Variants in STARD3NL observed in about 807,000 individuals in gnomAD.
STARD3NL encodes the protein STARD3 N-terminal-like protein.
STARD3NL carries 17 observed loss-of-function variants against 30.9 expected under a neutral mutation model. That is an observed-to-expected ratio of 0.55 (90% confidence interval 0.38 to 0.82). STARD3NL has a LOEUF of 0.82. STARD3NL is among the 40% of genes least tolerant of loss of function. STARD3NL has a pLI of 0.00. For synonymous variants in STARD3NL, 112 were observed against 100.5 expected (o/e 1.11, Z -0.69); for missense variants, 234 against 277.6 (o/e 0.84, Z 1.12).
chr7:38,184,869 T>G (rs1324037537), intron 1 of STARD3NL, among the ~76,000 whole-genome samples: 1 of 149,842 alleles, frequency 6.7e-6, no homozygotes, highest in African/African-American at 2.4e-5. Context: ...TCCATAGTCA[T>G]AATTTTCTTT....
At position 38,215,138 on chromosome 7, in the gene STARD3NL, T is replaced by G. The variant is rs772901604; in HGVS notation, c.381+33T>G. On this transcript the variant is annotated intron_variant, in intron 4 of 8. Coordinates refer to ENST00000009041, the MANE Select transcript of STARD3NL (RefSeq NM_032016.4). ...TGCCCTGCATGAGTGGGTCATCTCCTCCAGTGCTGGTGGCCAAGTCCTGCT... is the reference window on the plus strand; with the variant it reads ...TGCCCTGCATGAGTGGGTCATCTCCGCCAGTGCTGGTGGCCAAGTCCTGCT... The G allele has an allele frequency of 5.0e-6, 8 of 1,602,122 alleles. No individual in the cohort carries two copies. In the East Asian group the frequency reaches 1.8e-4, roughly 36 times the overall value.
chr7:38,215,944 A>C (rs1786085977), intron 4 of STARD3NL: 1 of 152,240 alleles, frequency 6.6e-6, no homozygotes, highest in Non-Finnish European at 1.5e-5. Context: ...CATTCTCAGA[A>C]TCACGGGGCA....
intron 1 of STARD3NL, among the ~76,000 whole-genome samples, chr7:38,187,025 T>TA (rs36035968): frequency 0.18 from 25,282 of 144,194 alleles, 2,215 homozygotes; most frequent in Middle Eastern, 0.22. Flanking sequence ...CAGCAGCTTC[T>TA]AAAAAAAAAA....
intron 1 of STARD3NL, among the ~76,000 whole-genome samples, chr7:38,197,014 T>G (rs1784927034): frequency 6.6e-6 from 1 of 152,184 alleles, no homozygotes; most frequent in Non-Finnish European, 1.5e-5. Flanking sequence ...CTGTAGAGCT[T>G]CGTGGTGAAG....
At chr7:38,216,207 T>G (rs1157699958) in intron 4 of STARD3NL, 1 of 152,236 alleles carries the variant, frequency 6.6e-6, no homozygotes, top group Non-Finnish European at 1.5e-5. Context: ...GTGTTTGACA[T>G]ATAGATATTC....
intron 4 of STARD3NL, 103 bp from the exon 5 acceptor site, chr7:38,216,912 AGGTTTTTCAG>A: frequency 7.8e-7 from 1 of 1,275,840 alleles, no homozygotes; most frequent in South Asian, 1.3e-5. Context: ...GGCTAGGCAC[AGGTTTTTCAG>A]GCCTTGCCTG....
intron 1 of STARD3NL, among the ~76,000 whole-genome samples, chr7:38,195,220 C>A (rs1784851590): frequency 6.6e-6 from 1 of 152,090 alleles, no homozygotes; most frequent in East Asian, 1.9e-4. Flanking sequence ...CCATGCTTGG[C>A]TAATTTTTAT....
chr7:38,226,152 G>GTTTTTTTTTTTTTTTTTTTTTTTT (rs11286474), intron 7 of STARD3NL, among the ~76,000 whole-genome samples: 1 of 102,474 alleles, frequency 9.8e-6, no homozygotes, highest in Non-Finnish European at 1.9e-5. Context: ...TGCCTATCTT[G>GTTTTTTTTTTTTTTTTTTTTTTTT]TTTTTTTTTT....
At chr7:38,180,699 C>G in intron 1 of STARD3NL, among the ~76,000 whole-genome samples, 1 of 152,122 alleles carries the variant, frequency 6.6e-6, no homozygotes, top group East Asian at 1.9e-4. Flanking sequence ...TTCATTCTAC[C>G]CCACCTCCTG....
chr7:38,203,916 CAAG>C (rs1190759548), intron 1 of STARD3NL, among the ~76,000 whole-genome samples: 2 of 152,074 alleles, frequency 1.3e-5, no homozygotes, highest in Non-Finnish European at 2.9e-5. Flanking sequence ...ATCAATTCAA[CAAG>C]AAGAGCTAAC....
At chr7:38,210,925 G>C (rs958938087) in intron 2 of STARD3NL, among the ~76,000 whole-genome samples, 1 of 152,152 alleles carries the variant, frequency 6.6e-6, no homozygotes, top group African/African-American at 2.4e-5. Context: ...TGGGCAAGCT[G>C]TTTAATAAGT....
At chr7:38,191,662 C>T (rs1431379305) in intron 1 of STARD3NL, among the ~76,000 whole-genome samples, 1 of 152,136 alleles carries the variant, frequency 6.6e-6, no homozygotes, top group Non-Finnish European at 1.5e-5. Flanking sequence ...CATTGGATTA[C>T]TTTGACAGCT....
At chr7:38,189,872 A>T (rs1262019936) in intron 1 of STARD3NL, among the ~76,000 whole-genome samples, 1 of 152,154 alleles carries the variant, frequency 6.6e-6, no homozygotes, top group East Asian at 1.9e-4. Flanking sequence ...AGGAATTTTT[A>T]TACAAAGGTA....
intron 1 of STARD3NL, among the ~76,000 whole-genome samples, chr7:38,197,593 C>A (rs753332962): frequency 2.4e-4 from 37 of 152,150 alleles, no homozygotes; most frequent in Non-Finnish European, 4.6e-4. Context: ...AGACATTAAG[C>A]AGAACTTTTT....
chr7:38,202,091 C>T (rs1450896901), intron 1 of STARD3NL: 1 of 152,242 alleles, frequency 6.6e-6, no homozygotes, highest in Non-Finnish European at 1.5e-5. Flanking sequence ...AGAATTCTGA[C>T]AGGCGGTAGT....
intron 7 of STARD3NL, among the ~76,000 whole-genome samples, chr7:38,224,842 AC>A (rs1429861020): frequency 2.6e-5 from 4 of 152,192 alleles, no homozygotes; most frequent in Non-Finnish European, 5.9e-5. Context: ...AGAAAAAAAA[AC>A]ATATGCTGAA....
At chr7:38,196,884 A>G (rs1277468595) in intron 1 of STARD3NL, among the ~76,000 whole-genome samples, 2 of 152,162 alleles carry the variant, frequency 1.3e-5, no homozygotes, top group Non-Finnish European at 2.9e-5. Context: ...TGGACATTGT[A>G]TTTAATATGG....
chr7:38,225,629 T>C (rs1786715047), intron 7 of STARD3NL, among the ~76,000 whole-genome samples: 2 of 148,476 alleles, frequency 1.3e-5, no homozygotes, highest in African/African-American at 4.9e-5. Flanking sequence ...TTTGCTAAAA[T>C]CAGTTTACTA....
At chr7:38,198,612 A>G (rs1437582704) in intron 1 of STARD3NL, among the ~76,000 whole-genome samples, 1 of 152,224 alleles carries the variant, frequency 6.6e-6, no homozygotes, top group Admixed American at 6.5e-5. Flanking sequence ...TTTGGAGGAA[A>G]ACATACAGTG....
Sources: allele counts gnomAD v4.1 joint callset (sites outside exome capture counted in the v4.1 genomes callset), GRCh38; gene constraint gnomAD v4.1.1; transcripts MANE v1.5; gene names NCBI Gene and HGNC (gene_info 2026-07-23, HGNC 2026-07-21).